PI4KA: variants seen among roughly 807,000 people sequenced by gnomAD.
PI4KA encodes the protein phosphatidylinositol 4-kinase alpha.
Under a neutral mutation model 271.4 loss-of-function variants are expected in PI4KA, and 122 were observed. The ratio of observed to expected loss-of-function variants is 0.45; its 90% confidence interval spans 0.39 to 0.52. The LOEUF (loss-of-function observed/expected upper bound fraction) is 0.52. Among genes scored for constraint, PI4KA ranks in the 20% least tolerant of loss-of-function variants. PI4KA has a pLI of 0.00. For missense variants in PI4KA, 1,969 were observed against 2,769.1 expected (o/e 0.71, Z 6.48); for synonymous variants, 1,041 against 1,078.8 (o/e 0.96, Z 0.69).
chr22:20,842,392 C>A (rs1199470221), intron 1 of PI4KA, among the ~76,000 whole-genome samples: 1 of 152,146 alleles, frequency 6.6e-6, no homozygotes, highest in Non-Finnish European at 1.5e-5. Context: ...GTTATTCTAA[C>A]AACAAGTCTG....
Position 20,729,508 on chromosome 22 carries a change from T to A in PI4KA, c.4489-2A>T. Reference sequence around the variant, plus strand: ...GATGAGACGCTCGATCTCAGTGGCCTGGCAAGATAAGACATAAGGCCTGAT... The same window carrying A: ...GATGAGACGCTCGATCTCAGTGGCCAGGCAAGATAAGACATAAGGCCTGAT... On this transcript the variant is annotated splice_acceptor_variant, in intron 38 of 54. Coordinates refer to ENST00000255882, the MANE Select transcript of PI4KA (RefSeq NM_058004.4). LOFTEE classifies it high-confidence loss of function. 1 of 1,583,844 alleles carries A rather than the reference T, an allele frequency of 6.3e-7. No homozygotes were observed.
In PI4KA at chr22:20,801,980, T is replaced by C. The variant is rs770731627; in HGVS notation, c.1717A>G (p.Ile573Val). Residue 573 changes from isoleucine (I) to valine (V), a missense_variant, in exon 14 of 55, where the codon ATC (isoleucine) becomes GTC (valine). This residue lies in a region of PI4KA where 228 missense variants were observed against 261.6 expected (regional missense o/e 0.87). Coordinates refer to ENST00000255882, the MANE Select transcript of PI4KA (RefSeq NM_058004.4). ...EQLRDIAIDN[I>V]CRCLKAGLTV... ...ACTTGCCCAGCTTCCCACCTGCAGA[T>C]GTTGTCAATAGCGATGTCTCGGAGC... 8.7e-6 allele frequency: 14 copies of C among 1,613,998 alleles called. No individual in the cohort carries two copies. Among genetic ancestry groups the C allele is most frequent in the African/African-American group, 1.3e-5 (1 of 74,908 alleles).
At chr22:20,853,995 C>T (rs760272871) in intron 1 of PI4KA, among the ~76,000 whole-genome samples, 7 of 150,898 alleles carry the variant, frequency 4.6e-5, no homozygotes, top group Non-Finnish European at 7.4e-5. Flanking sequence ...AAAGAGTAGA[C>T]GGGAAACTTG....
At position 20,838,621 on chromosome 22, in the gene PI4KA, A is replaced by G; in HGVS notation, c.267T>C (p.Asp89=). ...TAATTTCATGAAGACTTACCTGAAG[A>G]TCAGATTCAATCAGAAAAATGCCCA... The part of the protein sequence containing the change: ...IALGIFLIES[D]LQHKDCVVPY... The change falls in exon 2 of 55, where the codon GAT becomes GAC. Residue 89 remains aspartate (D), a synonymous_variant. Transcript: ENST00000255882. The G allele has an allele frequency of 6.3e-7, 1 of 1,578,864 alleles. No homozygotes were observed.
chr22:20,780,124 A>C, intron 19 of PI4KA: 1 of 1,614,200 alleles, frequency 6.2e-7, no homozygotes, highest in East Asian at 2.2e-5. Flanking sequence ...AAGCTCACCA[A>C]GGGCCTCATA....
rs559501850 is a variant in PI4KA at position 20,713,337 on chromosome 22, C to A, written c.5515G>T (p.Gly1839Cys). 6.3e-7 allele frequency: 1 copy of A among 1,599,504 alleles called. No individual in the cohort carries two copies. The highest frequency in any genetic ancestry group is 8.5e-7 in the Non-Finnish European group (1 of 1,172,296). ...GCTGCCTGCCAGGAGATCTTCTGGC[C>A]GTCGGCCTCCTGCGTGCTGCACTCA... ...EDECSTQEAD[G>C]QKISWQAAIF... The change falls in exon 48 of 55, where the codon GGC becomes TGC. Residue 1839 changes from glycine (G) to cysteine (C), a missense_variant. Around this residue, in one of 13 missense-constraint regions of PI4KA, gnomAD observed 388 missense variants for 521.5 expected, o/e 0.74. Transcript: ENST00000255882.
intron 8 of PI4KA, among the ~76,000 whole-genome samples, chr22:20,811,978 A>T (rs921981187): frequency 6.9e-6 from 1 of 144,664 alleles, no homozygotes; most frequent in African/African-American, 2.6e-5. Context: ...GTGCCACTGC[A>T]CTCCAGCTTG....
chr22:20,800,815 A>G (rs1476811863), intron 14 of PI4KA, among the ~76,000 whole-genome samples: 3 of 147,310 alleles, frequency 2.0e-5, no homozygotes, highest in African/African-American at 7.4e-5. Context: ...CGGAGCTTGC[A>G]GTGAGCTGAG....
intron 17 of PI4KA, among the ~76,000 whole-genome samples, chr22:20,797,113 A>G (rs1569044194): frequency 6.6e-6 from 1 of 152,334 alleles, no homozygotes; most frequent in South Asian, 2.1e-4. Context: ...CTGCTCCACT[A>G]AGAAATCCCA....
At chr22:20,805,476 G>A (rs1222108286) in intron 10 of PI4KA, among the ~76,000 whole-genome samples, 3 of 152,228 alleles carry the variant, frequency 2.0e-5, no homozygotes, top group South Asian at 2.1e-4. Context: ...GGGAAGTATC[G>A]TTGCTGGAAC....
At chr22:20,714,327 G>C in intron 47 of PI4KA, 131 bp downstream of exon 47, 1 of 1,493,436 alleles carries the variant, frequency 6.7e-7, no homozygotes, top group Non-Finnish European at 8.9e-7. Context: ...ATCTGACTGA[G>C]TGAGGGCAGA....
In PI4KA at chr22:20,729,296, G is replaced by A. The variant is rs762242636; in HGVS notation, c.4682+17C>T. On this transcript the variant is annotated intron_variant, in intron 39 of 54. Transcript: ENST00000255882. Reference sequence around the variant, plus strand: ...TCTGGTGAGGCCTGTGTCAGGCTGTGGTGCCCGGGGGCCCACCTGGCAGGC... The same window carrying A: ...TCTGGTGAGGCCTGTGTCAGGCTGTAGTGCCCGGGGGCCCACCTGGCAGGC... 1 of 1,606,656 alleles carries A rather than the reference G, an allele frequency of 6.2e-7. No homozygotes were observed. The highest frequency in any genetic ancestry group is 8.5e-7 in the Non-Finnish European group (1 of 1,176,254).
rs1364116787 is a variant in PI4KA, at chr22:20,712,693, C to T, written c.5676G>A (p.Gly1892=). 1 of 1,552,882 alleles carries T rather than the reference C, an allele frequency of 6.4e-7. No individual in the cohort carries two copies. The highest frequency in any genetic ancestry group is 8.7e-7 in the Non-Finnish European group (1 of 1,147,662). Residue 1892 remains glycine, a splice_region_variant and synonymous_variant, in exon 49 of 55, where the codon GGG becomes GGA. Transcript: ENST00000255882. ...FPYRVVATAP[G]CGVIECIPDC... Reference sequence around the variant, plus strand: ...TACTGGCTCCACTCAGGGAACTTACCCCAGGGGCAGTGGCCACCACGCGGT... The same window carrying T: ...TACTGGCTCCACTCAGGGAACTTACTCCAGGGGCAGTGGCCACCACGCGGT...
At chr22:20,773,047 C>T (rs5751898) in intron 19 of PI4KA, among the ~76,000 whole-genome samples, 10,556 of 151,958 alleles carry the variant, frequency 0.069, 356 homozygotes, top group East Asian at 0.079. Context: ...GCCAAGATCA[C>T]GCCACTGCAC....
intron 25 of PI4KA, among the ~76,000 whole-genome samples, chr22:20,752,057 C>T (rs1930761821): frequency 6.6e-6 from 1 of 152,234 alleles, no homozygotes; most frequent in Non-Finnish European, 1.5e-5. Flanking sequence ...CAAAGCAATC[C>T]TCTTAGTTTC....
intron 1 of PI4KA, among the ~76,000 whole-genome samples, chr22:20,848,313 T>C (rs1274248207): frequency 6.6e-6 from 1 of 151,368 alleles, no homozygotes; most frequent in Non-Finnish European, 1.5e-5. Context: ...ACACCATCCC[T>C]GTCAAAACCC....
At position 20,786,968 on chromosome 22, in the gene PI4KA, C is replaced by T. The variant is rs769774770; in HGVS notation, c.2328+6225G>A. On this transcript the variant is annotated intron_variant, in intron 19 of 54. Transcript: ENST00000255882. ...GTTCATGCCGCTGTCCACCCAAGTC[C>T]GCTTCACTGTCGACCGCCCCTTTCT... is the stretch of plus-strand genomic sequence containing the variant. 62 of 1,614,070 alleles carry T rather than the reference C, an allele frequency of 3.8e-5. No homozygotes were observed. The highest frequency in any genetic ancestry group is 5.0e-5 in the Admixed American group (3 of 60,010).
In PI4KA at chr22:20,804,383, T is replaced by C. The variant is rs759438966; in HGVS notation, c.1378A>G (p.Ile460Val). Residue 460 changes from isoleucine (I) to valine (V), a missense_variant, in exon 12 of 55, where the codon ATC becomes GTC. By Grantham distance (29) the Ile-to-Val change is conservative. Coordinates refer to ENST00000255882, the MANE Select transcript of PI4KA (RefSeq NM_058004.4). ...GACTGCAGCTTCTCAGATAGCTTGA[T>C]GCAAAGGTTTTCTGCACCTTAATTC... The part of the protein sequence containing the change: ...KDEQGAENLC[I>V]KLSEKLQSKT... The C allele has an allele frequency of 1.9e-6, 3 of 1,613,750 alleles. No homozygotes were observed. Among genetic ancestry groups the C allele is most frequent in the Non-Finnish European group, 2.5e-6 (3 of 1,179,636 alleles).
intron 54 of PI4KA, among the ~76,000 whole-genome samples, chr22:20,708,354 G>A (rs1302231283): frequency 1.3e-5 from 2 of 151,998 alleles, no homozygotes; most frequent in African/African-American, 2.4e-5. Context: ...CATGGGACTC[G>A]GGCCCCTTGG....
Sources: allele counts gnomAD v4.1 joint callset (sites outside exome capture counted in the v4.1 genomes callset), GRCh38; gene constraint gnomAD v4.1.1; regional missense constraint gnomAD v4.1.1; transcripts MANE v1.5; gene names NCBI Gene and HGNC (gene_info 2026-07-23, HGNC 2026-07-21).